Variants in OAS3 observed in about 807,000 individuals in gnomAD.
OAS3 encodes the protein 2'-5'-oligoadenylate synthase 3.
OAS3 carries 107 observed loss-of-function variants against 113.0 expected under a neutral mutation model. The ratio of observed to expected loss-of-function variants is 0.95; its 90% CI spans 0.81 to 1.11. The LOEUF (loss-of-function observed/expected upper bound fraction) is 1.11. OAS3 is among the 50% of genes most tolerant of loss of function. OAS3 has a pLI of 0.00. For missense variants in OAS3, 1,258 were observed against 1,389.1 expected (o/e 0.91, Z 1.50); for synonymous variants, 552 against 573.6 (o/e 0.96, Z 0.54).
rs183209325 is a variant in OAS3 at position 112,959,140 on chromosome 12, G to A, written c.1658-1931G>A. ...AGGCTCCGTGGGCGTGTGACCCTCC[G>A]TGCCAGGTGCAGGATATAATCTCCT... On this transcript the variant is annotated intron_variant, in intron 7 of 15. Transcript: ENST00000228928. Among the ~76,000 whole-genome samples the A allele has an allele frequency of 1.5e-3, 221 of 152,264 alleles. 2 individuals carry two copies. The highest frequency in any genetic ancestry group is 0.011 in the Admixed American group (171 of 15,292).
intron 3 of OAS3, among the ~76,000 whole-genome samples, chr12:112,946,137 A>T (rs2043726307): frequency 6.6e-6 from 1 of 152,002 alleles, no homozygotes; most frequent in African/African-American, 2.4e-5. Context: ...GAGTGTGGAG[A>T]TGCTGGGTGC....
intron 7 of OAS3, among the ~76,000 whole-genome samples, chr12:112,956,191 A>G (rs575294723): frequency 6.6e-6 from 1 of 152,190 alleles, no homozygotes; most frequent in African/African-American, 2.4e-5. Flanking sequence ...TATCCCCTTT[A>G]TCATTTTTTA....
chr12:112,944,015 C>A (rs1418618407), intron 2 of OAS3, among the ~76,000 whole-genome samples: 4 of 152,206 alleles, frequency 2.6e-5, no homozygotes, highest in Admixed American at 2.6e-4. Context: ...TATCAACAAC[C>A]ACTGCTAAAG....
intron 4 of OAS3, 143 bp from the exon 5 acceptor site, chr12:112,947,803 A>G (rs979118802): frequency 5.9e-6 from 4 of 677,626 alleles, no homozygotes; most frequent in Non-Finnish European, 9.4e-6. Context: ...TTTTGCGGAT[A>G]AGGAAATCGA....
At chr12:112,951,104 T>A (rs545246219) in intron 7 of OAS3, 129 bp downstream of exon 7, 2 of 822,906 alleles carry the variant, frequency 2.4e-6, no homozygotes, top group Non-Finnish European at 3.7e-6. Context: ...TACTTTGAGA[T>A]ACTGAAAGTA....
At chr12:112,950,630 G>A in intron 6 of OAS3, 63 bp from the exon 7 acceptor site, 1 of 1,572,894 alleles carries the variant, frequency 6.4e-7, no homozygotes, top group Non-Finnish European at 8.7e-7. Flanking sequence ...CAGGTGATGG[G>A]ATCGTAGTCC....
intron 5 of OAS3, among the ~76,000 whole-genome samples, chr12:112,948,322 G>A (rs1229459305): frequency 6.6e-6 from 1 of 152,036 alleles, no homozygotes; most frequent in Non-Finnish European, 1.5e-5. Flanking sequence ...GGACAATATG[G>A]TGAAACCTTG....
At chr12:112,947,855 G>A in intron 4 of OAS3, 91 bp from the exon 5 acceptor site, 3 of 1,211,366 alleles carry the variant, frequency 2.5e-6, no homozygotes, top group South Asian at 1.6e-5. Context: ...TCACACAGCT[G>A]GAAAGTAGCA....
intron 3 of OAS3, among the ~76,000 whole-genome samples, chr12:112,945,890 G>A (rs770045260): frequency 1.3e-5 from 2 of 152,228 alleles, no homozygotes; most frequent in Non-Finnish European, 2.9e-5. Context: ...CACGCAGGAG[G>A]CTGAGGCGTG....
rs1257100088 is a variant in OAS3 at position 112,967,457 on chromosome 12, A to G, written c.2729A>G (p.Tyr910Cys). 1.2e-6 allele frequency: 2 copies of G among 1,613,522 alleles called. No homozygotes were observed. Among genetic ancestry groups the G allele is most frequent in the Non-Finnish European group, 1.7e-6 (2 of 1,179,736 alleles). Reference sequence around the variant, plus strand: ...GGCTCCAGGCCCAGCTCTCAAGTCTACGTCGACCTCATCCACAGCTACAGC... The same window carrying G: ...GGCTCCAGGCCCAGCTCTCAAGTCTGCGTCGACCTCATCCACAGCTACAGC... ...VSGSRPSSQV[Y>C]VDLIHSYSNA... The change falls in exon 13 of 16, where the codon TAC becomes TGC. Residue 910 changes from tyrosine to cysteine, a missense_variant. Transcript: ENST00000228928.
chr12:112,969,569 G>A, intron 14 of OAS3, 39 bp from the exon 15 acceptor site: 1 of 1,575,032 alleles, frequency 6.3e-7, no homozygotes, highest in Non-Finnish European at 8.6e-7. Context: ...ACACCTAGAT[G>A]TTGCCAGGAA....
chr12:112,941,234 C>T (rs7955267), intron 1 of OAS3, among the ~76,000 whole-genome samples: 106,281 of 151,900 alleles, frequency 0.7, 37,549 homozygotes, highest in African/African-American at 0.78. Context: ...GGCATGGTAG[C>T]GTGTGCCTGT....
chr12:112,946,640 G>C (rs2043731771), intron 3 of OAS3, 103 bp from the exon 4 acceptor site: 19 of 936,350 alleles, frequency 2.0e-5, no homozygotes, highest in Non-Finnish European at 2.4e-5. Context: ...ACAGCATCTT[G>C]CCTCAGGCTC....
chr12:112,943,573 A>G (rs2043699754), intron 2 of OAS3, among the ~76,000 whole-genome samples: 2 of 152,156 alleles, frequency 1.3e-5, no homozygotes, highest in South Asian at 2.1e-4. Flanking sequence ...CTGGCTGTGT[A>G]ACCTTGGGCA....
intron 3 of OAS3, among the ~76,000 whole-genome samples, chr12:112,945,898 G>A (rs925955005): frequency 3.3e-5 from 5 of 152,172 alleles, no homozygotes; most frequent in East Asian, 3.9e-4. Context: ...AGGCTGAGGC[G>A]TGAAGATCAC....
In OAS3 at chr12:112,963,587, C is replaced by A; in HGVS notation, c.2229+130C>A. On this transcript the variant is annotated intron_variant, in intron 10 of 15. Transcript: ENST00000228928. This position sits in a 1 kb window ranked among gnomAD's most constrained non-coding sequence, Gnocchi z 4.6. ...GGCTGACAACTCATAGCCACCCCTT[C>A]TCTGGAGACTTGCCTTTCATGAAAT... is the stretch of plus-strand genomic sequence containing the variant. 1 of 871,350 alleles carries A rather than the reference C, an allele frequency of 1.1e-6. No individual in the cohort carries two copies. Among genetic ancestry groups the A allele is most frequent in the Non-Finnish European group, 1.6e-6 (1 of 617,078 alleles). 54.0% of individuals were successfully genotyped at this position (871,350 alleles called of 1,614,324 possible). A position where few individuals can be genotyped will look rare whatever the true frequency, so the allele number is the denominator to read the frequency against.
Position 112,968,197 on chromosome 12 carries a change from C to G in OAS3, c.3104+23C>G, listed in dbSNP as rs186922334. Reference sequence around the variant, plus strand: ...CAGGTTCAGGTCTACCCCCAATGTTCCAGAATTTCAAACCTGGGATCACTC... The same window carrying G: ...CAGGTTCAGGTCTACCCCCAATGTTGCAGAATTTCAAACCTGGGATCACTC... On this transcript the variant is annotated intron_variant, in intron 14 of 15. Coordinates refer to ENST00000228928, the MANE Select transcript of OAS3 (RefSeq NM_006187.4). 3.1e-6 allele frequency: 5 copies of G among 1,594,974 alleles called. No individual in the cohort carries two copies. In the East Asian group the frequency reaches 9.0e-5, roughly 29 times the overall value.
Position 112,961,187 on chromosome 12 carries a change from A to G in OAS3, c.1774A>G (p.Asn592Asp). The change falls in exon 8 of 16, where the codon AAC becomes GAC. Residue 592 changes from asparagine to aspartate, a missense_variant. Asn to Asp is a conservative substitution (Grantham distance 23). Coordinates refer to ENST00000228928, the MANE Select transcript of OAS3 (RefSeq NM_006187.4). Reference protein sequence around the residue: ...CFAELRRNFMNIRPVKLKNLI... With the variant: ...CFAELRRNFMDIRPVKLKNLI... ...CGCAGAGCTGCGGAGGAACTTCATG[A>G]ACATTCGCCCTGTCAAGCTGAAGAA... 1 of 1,613,282 alleles carries G rather than the reference A, an allele frequency of 6.2e-7. No individual in the cohort carries two copies. Among genetic ancestry groups the G allele is most frequent in the Non-Finnish European group, 8.5e-7 (1 of 1,179,894 alleles).
At chr12:112,940,107 G>A (rs760675517) in intron 1 of OAS3, among the ~76,000 whole-genome samples, 6 of 152,136 alleles carry the variant, frequency 3.9e-5, no homozygotes, top group African/African-American at 7.2e-5. Flanking sequence ...AAGTGAGCAC[G>A]GTGCAATCTC....
Sources: gnomAD v4.1 joint callset for allele counts (sites outside exome capture counted in the v4.1 genomes callset) on GRCh38, gnomAD v4.1.1 for gene constraint, Gnocchi (gnomAD v3.1) non-coding constraint, MANE v1.5 for transcripts, NCBI Gene and HGNC (gene_info 2026-07-23, HGNC 2026-07-21) for gene names.